The following BTF3L4 variants were observed in gnomAD, a reference collection of about 807,000 sequenced individuals.
BTF3L4 encodes the protein basic transcription factor 3 like 4.
Under a neutral mutation model 16.8 loss-of-function variants are expected in BTF3L4, and 6 were observed. That is an observed-to-expected ratio of 0.36 (90% CI 0.20 to 0.71). The LOEUF is 0.71. Among genes scored for constraint, BTF3L4 ranks in the 30% least tolerant of loss-of-function variants. BTF3L4 has a pLI of 0.58. For missense variants in BTF3L4, 92 were observed against 186.9 expected (o/e 0.49, Z 2.96); for synonymous variants, 39 against 59.8 (o/e 0.65, Z 1.60).
intron 2 of BTF3L4, 143 bp downstream of exon 2, chr1:52,060,044 A>G: frequency 1.3e-6 from 1 of 763,132 alleles, no homozygotes. Flanking sequence ...TAACTTGTCT[A>G]GATCTAAAAT....
In BTF3L4 at chr1:52,089,750, C is replaced by T. The variant is rs1156441967; in HGVS notation, c.*2992C>T. ...GCGCCTTATCTGTTTTGGACAAGTC[C>T]AAAGTAAATGGTTGGGCTCTTATAT... On this transcript the variant is annotated 3_prime_UTR_variant, in exon 6 of 6. Transcript: ENST00000313334. The T allele has an allele frequency of 1.3e-5, 2 of 151,938 alleles. No homozygotes were observed. The highest frequency in any genetic ancestry group is 4.8e-5 in the African/African-American group (2 of 41,348). The allele number at this position is 151,938 out of a possible 1,614,324, so 9.4% of individuals were successfully genotyped here.
At chr1:52,066,963 G>A (rs1459201399) in intron 3 of BTF3L4, among the ~76,000 whole-genome samples, 5 of 152,118 alleles carry the variant, frequency 3.3e-5, no homozygotes, top group African/African-American at 9.7e-5. Flanking sequence ...GGGGCTGGGC[G>A]CAGTGGCTCA....
chr1:52,060,504 T>G (rs1412039436), intron 2 of BTF3L4: 1 of 1,265,718 alleles, frequency 7.9e-7, no homozygotes, highest in Non-Finnish European at 1.0e-6. Flanking sequence ...CTGTACTTTT[T>G]AAAGCCTAAG....
chr1:52,089,600 G>A lies in BTF3L4; in HGVS notation c.*2842G>A, dbSNP rs1225650902. 1 of 151,964 alleles carries A rather than the reference G, an allele frequency of 6.6e-6. No homozygotes were observed. The highest frequency in any genetic ancestry group is 6.6e-5 in the Admixed American group (1 of 15,250). 9.4% of individuals were successfully genotyped at this position (151,964 alleles called of 1,614,324 possible). ...AAGATAACAATGATAAAAACATTTT[G>A]GGGGGGAAATTGACCTTAAAATTTT... On this transcript the variant is annotated 3_prime_UTR_variant, in exon 6 of 6. Coordinates refer to ENST00000313334, the MANE Select transcript of BTF3L4 (RefSeq NM_152265.5).
chr1:52,064,357 A>G (rs1445682719), intron 2 of BTF3L4, among the ~76,000 whole-genome samples: 1 of 152,090 alleles, frequency 6.6e-6, no homozygotes, highest in Non-Finnish European at 1.5e-5. Flanking sequence ...TTGTTTATAT[A>G]TTTATTGATT....
At chr1:52,075,194 T>C (rs1686899952) in intron 3 of BTF3L4, among the ~76,000 whole-genome samples, 1 of 152,182 alleles carries the variant, frequency 6.6e-6, no homozygotes, top group Admixed American at 6.5e-5. Context: ...ACTTTTTAAT[T>C]ATTTATTATA....
At chr1:52,074,600 G>A (rs902425742) in intron 3 of BTF3L4, among the ~76,000 whole-genome samples, 3 of 151,940 alleles carry the variant, frequency 2.0e-5, no homozygotes, top group African/African-American at 7.3e-5. Context: ...GACCTCAGGT[G>A]ATCCACCTGC....
At chr1:52,082,190 CA>C (rs1643930369) in intron 3 of BTF3L4, among the ~76,000 whole-genome samples, 1 of 152,116 alleles carries the variant, frequency 6.6e-6, no homozygotes, top group Non-Finnish European at 1.5e-5. Context: ...ACATGAAGTA[CA>C]TGAGTGAGAG....
chr1:52,085,676 C>T (rs973628070), intron 4 of BTF3L4, among the ~76,000 whole-genome samples: 2 of 151,784 alleles, frequency 1.3e-5, no homozygotes, highest in African/African-American at 4.8e-5. Flanking sequence ...ATGGTGAAAC[C>T]CCATCTCTAC....
intron 3 of BTF3L4, among the ~76,000 whole-genome samples, chr1:52,069,468 ACACT>A (rs1686731399): frequency 6.6e-6 from 1 of 152,160 alleles, no homozygotes; most frequent in South Asian, 2.1e-4. Flanking sequence ...ATTTTCAGAA[ACACT>A]CAGATATGAA....
At position 52,064,950 on chromosome 1, in the gene BTF3L4, T is replaced by C. The variant is rs1200945867; in HGVS notation, c.168+12T>C. ...CTGGTATTGAAGAGGTATGATCACT[T>C]TGCAAGTTGTTAAATTGTGTGGGTA... On this transcript the variant is annotated intron_variant, in intron 3 of 5. Transcript: ENST00000313334. 6.6e-7 allele frequency: 1 copy of C among 1,523,692 alleles called. No individual in the cohort carries two copies. The highest frequency in any genetic ancestry group is 1.2e-5 in the South Asian group (1 of 86,956). The allele number at this position is 1,523,692 out of a possible 1,614,324, so 94.4% of individuals were successfully genotyped here.
At position 52,059,823 on chromosome 1, in the gene BTF3L4, T is replaced by C. The variant is rs1003529493; in HGVS notation, c.-13-12T>C. 7 of 1,612,828 alleles carry C rather than the reference T, an allele frequency of 4.3e-6. No homozygotes were observed. Among genetic ancestry groups the C allele is most frequent in the East Asian group, 2.2e-5 (1 of 44,846 alleles). ...AAGAGTGACTTTAACAAATCTATTT[T>C]TCCCCCCCTAGATTTACCAACAGCA... On this transcript the variant is annotated splice_polypyrimidine_tract_variant and intron_variant, in intron 1 of 5. Transcript: ENST00000313334.
intron 1 of BTF3L4, among the ~76,000 whole-genome samples, chr1:52,057,944 CTGTT>C (rs201014028): frequency 0.011 from 1,679 of 152,306 alleles, 47 homozygotes; most frequent in African/African-American, 0.038. Flanking sequence ...CAACCTCTGT[CTGTT>C]CTCTTGGGAA....
At chr1:52,069,545 G>A (rs1341393928) in intron 3 of BTF3L4, among the ~76,000 whole-genome samples, 2 of 152,118 alleles carry the variant, frequency 1.3e-5, no homozygotes, top group African/African-American at 2.4e-5. Context: ...ACTTTGGGAT[G>A]TTTAAAACTT....
At chr1:52,072,620 A>G (rs149720810) in intron 3 of BTF3L4, among the ~76,000 whole-genome samples, 1,682 of 152,204 alleles carry the variant, frequency 0.011, 47 homozygotes, top group African/African-American at 0.039. Context: ...CACTTAACTT[A>G]GTGTTTTCAG....
rs1034449426 is a variant in BTF3L4 at position 52,089,415 on chromosome 1, G to A, written c.*2657G>A. 2.0e-5 allele frequency: 3 copies of A among 152,106 alleles called. No homozygotes were observed. Among genetic ancestry groups the A allele is most frequent in the African/African-American group, 7.2e-5 (3 of 41,436 alleles). 9.4% of individuals were successfully genotyped at this position (152,106 alleles called of 1,614,324 possible). Reference sequence around the variant, plus strand: ...GTCTCAAAGAAATCCTCTCCACAAAGACATGTTCCTCCCTCTGGTGTGGGT... The same window carrying A: ...GTCTCAAAGAAATCCTCTCCACAAAAACATGTTCCTCCCTCTGGTGTGGGT... On this transcript the variant is annotated 3_prime_UTR_variant, in exon 6 of 6. Coordinates refer to ENST00000313334, the MANE Select transcript of BTF3L4 (RefSeq NM_152265.5).
At chr1:52,059,100 G>A (rs1558003049) in intron 1 of BTF3L4, among the ~76,000 whole-genome samples, 4 of 150,814 alleles carry the variant, frequency 2.7e-5, no homozygotes, top group Non-Finnish European at 5.9e-5. Context: ...TATTACTGTA[G>A]CAAAGATATG....
rs1643988699 is a variant in BTF3L4, at chr1:52,088,141, T to C, written c.*1383T>C. 2 of 152,598 alleles carry C rather than the reference T, an allele frequency of 1.3e-5. No homozygotes were observed. Among genetic ancestry groups the C allele is most frequent in the Non-Finnish European group, 2.9e-5 (2 of 68,026 alleles). The allele number at this position is 152,598 out of a possible 1,614,324, so 9.5% of individuals were successfully genotyped here. On this transcript the variant is annotated 3_prime_UTR_variant, in exon 6 of 6. Transcript: ENST00000313334. ...GACAAAATTTAGAAAATATATCATT[T>C]CCTGGCCCATCATCAAACTAATACA...
chr1:52,067,968 G>A (rs1027210745), intron 3 of BTF3L4, among the ~76,000 whole-genome samples: 2 of 149,496 alleles, frequency 1.3e-5, no homozygotes, highest in East Asian at 4.0e-4. Context: ...GCAAAGGGCA[G>A]GCACCCTTAG....
Sources: gnomAD v4.1 joint callset for allele counts (sites outside exome capture counted in the v4.1 genomes callset) on GRCh38, gnomAD v4.1.1 for gene constraint, MANE v1.5 for transcripts, NCBI Gene and HGNC (gene_info 2026-07-23, HGNC 2026-07-21) for gene names.